DNAH2: variants seen among roughly 807,000 people sequenced by gnomAD.
DNAH2 encodes dynein axonemal heavy chain 2, also known as axonemal beta dynein heavy chain 2.
In DNAH2, 323 loss-of-function variants were observed where a neutral mutation model predicts 523.5. That is an observed-to-expected ratio of 0.62 (90% CI 0.56 to 0.68). The LOEUF is 0.68. DNAH2 is among the 30% of genes least tolerant of loss of function. The pLI is 0.00. For missense variants in DNAH2, 4,907 were observed against 5,701.5 expected, an observed-to-expected ratio of 0.86 and a Z score of 4.49; for synonymous variants, 2,093 against 2,177.4, an observed-to-expected ratio of 0.96 and a Z score of 1.08.
In DNAH2 at chr17:7,831,621, G is replaced by A; in HGVS notation, c.12612-40G>A. ...CCTTCTGGCTAGAATGACGTTCCCAGGCCCACCTCATCTCTAACACTCCAC... is the reference window on the plus strand; with the variant it reads ...CCTTCTGGCTAGAATGACGTTCCCAAGCCCACCTCATCTCTAACACTCCAC... On this transcript the variant is annotated intron_variant, in intron 81 of 85. Transcript: ENST00000572933. This position sits in a 1 kb window ranked among gnomAD's most constrained non-coding sequence, Gnocchi z 4.2. 1 of 1,613,262 alleles carries A rather than the reference G, an allele frequency of 6.2e-7. No homozygotes were observed. Among genetic ancestry groups the A allele is most frequent in the East Asian group, 2.2e-5 (1 of 44,862 alleles).
intron 21 of DNAH2, among the ~76,000 whole-genome samples, chr17:7,765,778 CTTTTTTCTTTT>C (rs2076149620): frequency 1.3e-5 from 2 of 151,556 alleles, no homozygotes; most frequent in African/African-American, 4.8e-5. Context: ...TTCTACTTTT[CTTTTTTCTTTT>C]TTTTTTTGAG....
At chr17:7,722,564 T>TC (rs930275998) in intron 2 of DNAH2, among the ~76,000 whole-genome samples, 67 of 152,084 alleles carry the variant, frequency 4.4e-4, no homozygotes, top group Admixed American at 1.6e-3. Context: ...GATTCCCCCT[T>TC]CCCCCGCAGA....
chr17:7,780,904 C>T lies in DNAH2; in HGVS notation c.6003+122C>T. 2 of 1,579,858 alleles carry T rather than the reference C, an allele frequency of 1.3e-6. No homozygotes were observed. Among genetic ancestry groups the T allele is most frequent in the Non-Finnish European group, 1.7e-6 (2 of 1,159,268 alleles). Reference sequence around the variant, plus strand: ...GGATTCTCACCTTCCCACCTCGTCCCATCCCCGTGTTGCCCGCTGCTTTGC... The same window carrying T: ...GGATTCTCACCTTCCCACCTCGTCCTATCCCCGTGTTGCCCGCTGCTTTGC... On this transcript the variant is annotated intron_variant, in intron 38 of 85. Transcript: ENST00000572933. This position sits in a 1 kb window ranked among gnomAD's most constrained non-coding sequence, Gnocchi z 4.4.
In DNAH2 at chr17:7,794,377, C is replaced by A; in HGVS notation, c.7674+19C>A. On this transcript the variant is annotated intron_variant, in intron 49 of 85. Coordinates refer to ENST00000572933, the MANE Select transcript of DNAH2 (RefSeq NM_020877.5). ...CCCCACAGTGAGGACCTCATGGGGG[C>A]TGCAGGACGAGGGGAGGGTAGGAGG... The A allele has an allele frequency of 6.3e-7, 1 of 1,590,978 alleles. No individual in the cohort carries two copies. Among genetic ancestry groups the A allele is most frequent in the Admixed American group, 1.7e-5 (1 of 57,666 alleles).
In DNAH2 at chr17:7,737,150, C is replaced by G. The variant is rs752374719; in HGVS notation, c.1062C>G (p.Pro354=). The change falls in exon 8 of 86, where the codon CCC becomes CCG. Residue 354 remains proline, a synonymous_variant. Transcript: ENST00000572933. ...EPYQELAFMK[P]KDISSKLPKL... is the part of the protein sequence containing the mutation. ...ACCAGGAGTTGGCTTTCATGAAGCCCAAGGACATCTCTAGCAAGCTCCCTA... is the reference window on the plus strand; with the variant it reads ...ACCAGGAGTTGGCTTTCATGAAGCCGAAGGACATCTCTAGCAAGCTCCCTA... The G allele has an allele frequency of 1.9e-6, 3 of 1,613,958 alleles. No homozygotes were observed. The highest frequency in any genetic ancestry group is 2.5e-6 in the Non-Finnish European group (3 of 1,180,024).
At chr17:7,830,217 C>G in intron 77 of DNAH2, 83 bp from the exon 78 acceptor site, 1 of 1,447,190 alleles carries the variant, frequency 6.9e-7, no homozygotes, top group East Asian at 2.3e-5. Flanking sequence ...CAATGAAGAA[C>G]CTCCACAACT....
chr17:7,732,062 ATATT>A (rs2075005708), intron 4 of DNAH2, among the ~76,000 whole-genome samples: 1 of 151,702 alleles, frequency 6.6e-6, no homozygotes, highest in Non-Finnish European at 1.5e-5. Context: ...CAAAATGCCA[ATATT>A]TATTTTATTT....
rs1402804573 is a variant in DNAH2 at position 7,818,794 on chromosome 17, C to T, written c.10670+18C>T. On this transcript the variant is annotated intron_variant, in intron 70 of 85. Coordinates refer to ENST00000572933, the MANE Select transcript of DNAH2 (RefSeq NM_020877.5). Reference sequence around the variant, plus strand: ...ATCCTGCGGTGAGGCCCTGCCTTCCCCTCCCACTGCCCCACGGGTCTACTC... The same window carrying T: ...ATCCTGCGGTGAGGCCCTGCCTTCCTCTCCCACTGCCCCACGGGTCTACTC... 2.5e-6 allele frequency: 4 copies of T among 1,613,742 alleles called. No homozygotes were observed. Among genetic ancestry groups the T allele is most frequent in the Admixed American group, 1.7e-5 (1 of 60,002 alleles).
At chr17:7,791,807 C>A in intron 44 of DNAH2, 110 bp from the exon 45 acceptor site, 1 of 1,055,294 alleles carries the variant, frequency 9.5e-7, no homozygotes, top group Non-Finnish European at 1.4e-6. Flanking sequence ...CCAAATAGAG[C>A]CAGGGAAGGA....
intron 12 of DNAH2, among the ~76,000 whole-genome samples, chr17:7,750,060 C>T (rs1416400878): frequency 6.6e-6 from 1 of 152,064 alleles, no homozygotes; most frequent in Non-Finnish European, 1.5e-5. Context: ...GATGGAATTT[C>T]GCTCTGTTGC....
intron 5 of DNAH2, 38 bp downstream of exon 5, chr17:7,733,353 T>G (rs1487563445): frequency 3.1e-6 from 5 of 1,602,946 alleles, no homozygotes; most frequent in Non-Finnish European, 3.4e-6. Flanking sequence ...TTCTCCTTAG[T>G]GTCCCCCAAC....
rs927528917 is a variant in DNAH2, at chr17:7,817,823, C to T, written c.10203C>T (p.Ala3401=). The change falls in exon 67 of 86, where the codon GCC becomes GCT. Residue 3401 remains alanine (A), a synonymous_variant. Transcript: ENST00000572933. ...TGATGATCGACCCTCAGGCCCAGGC[C>T]CTGAAATGGATTAAGAACATGGAAG... ...WALMIDPQAQ[A]LKWIKNMEGG... 8 of 1,613,906 alleles carry T rather than the reference C, an allele frequency of 5.0e-6. No individual in the cohort carries two copies. Among genetic ancestry groups the T allele is most frequent in the African/African-American group, 1.3e-5 (1 of 74,858 alleles).
intron 65 of DNAH2, 37 bp downstream of exon 65, chr17:7,817,452 G>T: frequency 6.2e-7 from 1 of 1,613,642 alleles, no homozygotes; most frequent in Non-Finnish European, 8.5e-7. Context: ...TAGGCTCCGA[G>T]ACCAGGGCTG....
chr17:7,808,151 A>G (rs761081753), intron 63 of DNAH2, among the ~76,000 whole-genome samples: 1 of 152,126 alleles, frequency 6.6e-6, no homozygotes, highest in Non-Finnish European at 1.5e-5. Context: ...TAGGTGGACC[A>G]CCTGAGGTCA....
chr17:7,818,638 C>T lies in DNAH2; in HGVS notation c.10537-5C>T, dbSNP rs200414060. On this transcript the variant is annotated splice_polypyrimidine_tract_variant and splice_region_variant and intron_variant, in intron 69 of 85. Transcript: ENST00000572933. ...GCCCCTCACTGTGAGTCCTGATGCC[C>T]CCAGGGCCTGGAGGCCCAGCTGCTG... The T allele has an allele frequency of 1.2e-6, 2 of 1,613,814 alleles. No individual in the cohort carries two copies. The highest frequency in any genetic ancestry group is 1.7e-6 in the Non-Finnish European group (2 of 1,179,976).
Position 7,786,561 on chromosome 17 carries a change from C to A in DNAH2, c.6349-9C>A. 1 of 1,612,004 alleles carries A rather than the reference C, an allele frequency of 6.2e-7. No individual in the cohort carries two copies. The highest frequency in any genetic ancestry group is 8.5e-7 in the Non-Finnish European group (1 of 1,178,584). ...CAGCAGCTAAAACCCCTTCCGGTGT[C>A]ATTTTCAGGAGTTCCCTTTGAACCC... On this transcript the variant is annotated splice_polypyrimidine_tract_variant and intron_variant, in intron 40 of 85. Coordinates refer to ENST00000572933, the MANE Select transcript of DNAH2 (RefSeq NM_020877.5). This position sits in a 1 kb window ranked among gnomAD's most constrained non-coding sequence, Gnocchi z 7.5.
intron 77 of DNAH2, among the ~76,000 whole-genome samples, chr17:7,829,928 G>T (rs1311778848): frequency 1.3e-5 from 2 of 151,524 alleles, no homozygotes; most frequent in African/African-American, 4.9e-5. Flanking sequence ...TGGGAGGCTG[G>T]GGCAGGAGAA....
At position 7,734,297 on chromosome 17, in the gene DNAH2, A is replaced by C. The variant is rs1413466609; in HGVS notation, c.739+4A>C. 2 of 1,607,040 alleles carry C rather than the reference A, an allele frequency of 1.2e-6. No homozygotes were observed. Among genetic ancestry groups the C allele is most frequent in the Non-Finnish European group, 1.7e-6 (2 of 1,176,606 alleles). On this transcript the variant is annotated splice_donor_region_variant and intron_variant, in intron 6 of 85. Coordinates refer to ENST00000572933, the MANE Select transcript of DNAH2 (RefSeq NM_020877.5). ...GAGCTGGTGCAACGGCTAGAGAGTG[A>C]GTGGCTGGCACTGCTAGCATCACCT...
At chr17:7,777,714 C>T (rs774285873) in intron 33 of DNAH2, 80 bp downstream of exon 33, 1 of 1,546,558 alleles carries the variant, frequency 6.5e-7, no homozygotes, top group Non-Finnish European at 8.8e-7. Context: ...TCTGTAAATG[C>T]AAGGATATCC....
Sources: allele counts gnomAD v4.1 joint callset (sites outside exome capture counted in the v4.1 genomes callset), GRCh38; gene constraint gnomAD v4.1.1; non-coding constraint Gnocchi (gnomAD v3.1); transcripts MANE v1.5; gene names NCBI Gene and HGNC (gene_info 2026-07-23, HGNC 2026-07-21).